Variants in CSMD1 observed in about 807,000 individuals in gnomAD.
CSMD1 encodes the protein CUB and Sushi multiple domains 1.
A neutral mutation model predicts 417.5 loss-of-function variants in CSMD1; 213 were observed. The observed-to-expected ratio is 0.51, with a 90% CI of 0.46 to 0.57. The LOEUF is 0.57. Ranked by LOEUF, CSMD1 falls within the 20% of genes least tolerant of loss-of-function variation. The probability of loss-of-function intolerance (pLI) is 0.00; values close to 1 mark genes in which losing one functional copy is unlikely to be tolerated. For synonymous variants in CSMD1, 2,862 were observed against 1,736.8 expected, an observed-to-expected ratio of 1.65 and a Z score of -16.11; for missense variants, 6,923 against 4,529.7, an observed-to-expected ratio of 1.53 and a Z score of -15.17.
chr8:4,120,979 T>C (rs895546858), intron 3 of CSMD1, among the ~76,000 whole-genome samples: 1 of 152,224 alleles, frequency 6.6e-6, no homozygotes, highest in African/African-American at 2.4e-5. Flanking sequence ...GGACAAACTA[T>C]ACATGAAACA....
chr8:3,104,519 C>A (rs1336025937), intron 46 of CSMD1, among the ~76,000 whole-genome samples: 1 of 151,846 alleles, frequency 6.6e-6, no homozygotes, highest in African/African-American at 2.4e-5. Flanking sequence ...CATGTAGATA[C>A]AACTTCAATG....
At chr8:4,408,988 C>A (rs76296140) in intron 3 of CSMD1, among the ~76,000 whole-genome samples, 3 of 151,958 alleles carry the variant, frequency 2.0e-5, no homozygotes, top group African/African-American at 7.3e-5. Context: ...AATTCTTTGC[C>A]GACTGATTTA....
At chr8:3,840,594 G>T (rs974336567) in intron 5 of CSMD1, among the ~76,000 whole-genome samples, 55 of 152,046 alleles carry the variant, frequency 3.6e-4, no homozygotes, top group African/African-American at 1.3e-3. Flanking sequence ...ACATGTGAGT[G>T]TATGTATAGG....
intron 3 of CSMD1, among the ~76,000 whole-genome samples, chr8:4,090,763 G>C (rs2037487369): frequency 6.6e-6 from 1 of 152,150 alleles, no homozygotes; most frequent in Admixed American, 6.5e-5. Context: ...AATTGAAGTA[G>C]TGGGTTATAA....
intron 3 of CSMD1, among the ~76,000 whole-genome samples, chr8:4,350,846 T>C (rs138970881): frequency 5.1e-4 from 77 of 152,324 alleles, no homozygotes; most frequent in African/African-American, 1.8e-3. Flanking sequence ...GTGGAGACAC[T>C]ATCTGCCAGT....
intron 3 of CSMD1, among the ~76,000 whole-genome samples, chr8:4,161,144 A>T (rs1437772603): frequency 6.6e-6 from 1 of 152,100 alleles, no homozygotes; most frequent in Non-Finnish European, 1.5e-5. Flanking sequence ...GTCATGTCTT[A>T]AGACATGATA....
At chr8:3,754,069 C>A in intron 5 of CSMD1, 27 bp from the exon 6 acceptor site, 1 of 1,517,904 alleles carries the variant, frequency 6.6e-7, no homozygotes, top group Non-Finnish European at 9.1e-7. Flanking sequence ...GGAAAAAAAT[C>A]TCCCTTGTAA....
At chr8:3,868,651 C>T (rs956023705) in intron 5 of CSMD1, among the ~76,000 whole-genome samples, 1 of 152,184 alleles carries the variant, frequency 6.6e-6, no homozygotes, top group Admixed American at 6.5e-5. Flanking sequence ...TATTTCTCCT[C>T]AAACTCATAC....
chr8:4,896,795 G>A (rs1305437162), intron 1 of CSMD1, among the ~76,000 whole-genome samples: 3 of 151,988 alleles, frequency 2.0e-5, no homozygotes, highest in African/African-American at 4.8e-5. Flanking sequence ...CTCCAGCGGG[G>A]TAGGGCGGGG....
intron 10 of CSMD1, among the ~76,000 whole-genome samples, chr8:3,544,961 G>C (rs1334360698): frequency 6.6e-6 from 1 of 151,492 alleles, no homozygotes; most frequent in Non-Finnish European, 1.5e-5. Flanking sequence ...TCTTTCTCAT[G>C]TGTCAACTTG....
rs182431888 is a variant in CSMD1 at position 4,604,574 on chromosome 8, G to C, written c.302+32768C>G. Among the ~76,000 whole-genome samples, 15 of 152,062 alleles carry C rather than the reference G, an allele frequency of 9.9e-5. 1 individual carries two copies. Among genetic ancestry groups the C allele is most frequent in the South Asian group, 4.1e-4 (2 of 4,824 alleles). ...TTATTTTTTTCTAAATCTCTAATTT[G>C]TCAACAGAATACCTAGCTTAAAAAT... is the stretch of plus-strand genomic sequence containing the variant. On this transcript the variant is annotated intron_variant, in intron 2 of 69. Coordinates refer to ENST00000635120, the MANE Select transcript of CSMD1 (RefSeq NM_033225.6).
chr8:4,295,405 T>C (rs1412854304), intron 3 of CSMD1, among the ~76,000 whole-genome samples: 5 of 144,834 alleles, frequency 3.5e-5, no homozygotes, highest in African/African-American at 1.2e-4. Context: ...TAAGATTATA[T>C]AATCTTATTA....
chr8:3,342,086 A>G (rs76895925), intron 23 of CSMD1, among the ~76,000 whole-genome samples: 3,921 of 152,348 alleles, frequency 0.026, 79 homozygotes, highest in East Asian at 0.083. Context: ...TATTGTGCAC[A>G]AATATTAATT....
At chr8:3,601,000 T>A (rs572784398) in intron 8 of CSMD1, among the ~76,000 whole-genome samples, 1 of 152,340 alleles carries the variant, frequency 6.6e-6, no homozygotes, top group South Asian at 2.1e-4. Context: ...TCTGTACTAA[T>A]CTCTATGTGC....
intron 51 of CSMD1, among the ~76,000 whole-genome samples, chr8:3,022,817 C>G (rs762629085): frequency 7.9e-5 from 12 of 152,014 alleles, no homozygotes; most frequent in Non-Finnish European, 1.5e-4. Context: ...TTTGCAAATA[C>G]ACGAAGGCAC....
chr8:3,754,022 G>C lies in CSMD1; in HGVS notation c.839C>G (p.Pro280Arg). ...PSIWLTGMNL[P>R]SPVISSKNWL... ...ATTCTTGCTACTGATAACTGGAGAG[G>C]GGAGGTTCATGCCAGTTAGCCTAGA... The change falls in exon 6 of 70, where the codon CCC becomes CGC. Residue 280 changes from proline (P) to arginine (R), a missense_variant. Coordinates refer to ENST00000635120, the MANE Select transcript of CSMD1 (RefSeq NM_033225.6). 1 of 1,611,366 alleles carries C rather than the reference G, an allele frequency of 6.2e-7. No individual in the cohort carries two copies. Among genetic ancestry groups the C allele is most frequent in the Non-Finnish European group, 8.5e-7 (1 of 1,178,566 alleles).
chr8:4,256,028 G>C (rs562288527), intron 3 of CSMD1, among the ~76,000 whole-genome samples: 13 of 152,168 alleles, frequency 8.5e-5, no homozygotes, highest in Admixed American at 6.5e-4. Flanking sequence ...AGCATGGAAA[G>C]AACACCACTT....
chr8:4,885,834 G>C (rs943120453), intron 1 of CSMD1, among the ~76,000 whole-genome samples: 1 of 151,780 alleles, frequency 6.6e-6, no homozygotes, highest in Admixed American at 6.6e-5. Flanking sequence ...TGTATTATTT[G>C]TTGCTTGTGT....
At chr8:3,836,619 A>G (rs974708676) in intron 5 of CSMD1, among the ~76,000 whole-genome samples, 1 of 152,170 alleles carries the variant, frequency 6.6e-6, no homozygotes, top group African/African-American at 2.4e-5. Flanking sequence ...ACTAAATGGT[A>G]TTTGACCTGA....
Sources: gnomAD v4.1 joint callset for allele counts (sites outside exome capture counted in the v4.1 genomes callset) on GRCh38, gnomAD v4.1.1 for gene constraint, MANE v1.5 for transcripts, NCBI Gene and HGNC (gene_info 2026-07-23, HGNC 2026-07-21) for gene names.